Variants in DCC observed in about 807,000 individuals in gnomAD.
DCC encodes the protein DCC netrin 1 receptor.
Under a neutral mutation model 172.5 loss-of-function variants are expected in DCC, and 58 were observed. The observed-to-expected ratio is 0.34, with a 90% CI of 0.27 to 0.42. DCC has a LOEUF of 0.42. DCC is among the 10% of genes least tolerant of loss of function. The pLI is 1.00. For synonymous variants in DCC, 709 were observed against 644.5 expected, an observed-to-expected ratio of 1.10 and a Z score of -1.52; for missense variants, 1,740 against 1,791.0, an observed-to-expected ratio of 0.97 and a Z score of 0.51.
chr18:52,747,987 G>A (rs2036933922), intron 1 of DCC, among the ~76,000 whole-genome samples: 1 of 152,206 alleles, frequency 6.6e-6, no homozygotes, highest in Non-Finnish European at 1.5e-5. Context: ...TTCCGAGCTG[G>A]CCGCTGAGCT....
chr18:53,203,669 G>C (rs1345034358), intron 9 of DCC, among the ~76,000 whole-genome samples: 1 of 152,154 alleles, frequency 6.6e-6, no homozygotes, highest in Non-Finnish European at 1.5e-5. Flanking sequence ...ATTCATGCCA[G>C]TCAGTTTTTC....
chr18:52,546,542 A>G (rs571443665), intron 1 of DCC, among the ~76,000 whole-genome samples: 1 of 152,256 alleles, frequency 6.6e-6, no homozygotes, highest in Admixed American at 6.5e-5. Flanking sequence ...GCATGGTAAC[A>G]GGATGAAAAG....
chr18:53,105,409 G>A (rs1388449534), intron 7 of DCC, among the ~76,000 whole-genome samples: 1 of 152,000 alleles, frequency 6.6e-6, no homozygotes, highest in Non-Finnish European at 1.5e-5. Flanking sequence ...TAGTCACAGA[G>A]TGTTTAGCCC....
At chr18:52,602,679 A>T (rs1028237486) in intron 1 of DCC, among the ~76,000 whole-genome samples, 1 of 145,044 alleles carries the variant, frequency 6.9e-6, no homozygotes, top group Admixed American at 6.8e-5. Context: ...TGCAAATACA[A>T]AAGAGACGAC....
intron 1 of DCC, among the ~76,000 whole-genome samples, chr18:52,375,179 A>G (rs1295102689): frequency 1.3e-5 from 2 of 152,224 alleles, no homozygotes; most frequent in Non-Finnish European, 2.9e-5. Flanking sequence ...CTTGAGTTCT[A>G]TAGAGACAAA....
At chr18:53,284,741 A>C (rs769479805) in intron 12 of DCC, among the ~76,000 whole-genome samples, 5 of 152,202 alleles carry the variant, frequency 3.3e-5, no homozygotes, top group Non-Finnish European at 7.3e-5. Flanking sequence ...GCTCAGAAGA[A>C]GACAGGAAAA....
intron 2 of DCC, chr18:52,754,397 A>AGGT (rs1210035126): frequency 1.3e-5 from 2 of 152,164 alleles, no homozygotes; most frequent in African/African-American, 2.4e-5. Context: ...TAGCACTGGG[A>AGGT]GGTGGAGCCT....
At chr18:52,858,373 G>A (rs1330783575) in intron 2 of DCC, among the ~76,000 whole-genome samples, 1 of 152,156 alleles carries the variant, frequency 6.6e-6, no homozygotes. Flanking sequence ...AGAGGAGAAA[G>A]CATTTCAACA....
intron 12 of DCC, among the ~76,000 whole-genome samples, chr18:53,274,672 C>T (rs1285126273): frequency 1.3e-5 from 2 of 152,096 alleles, no homozygotes; most frequent in East Asian, 3.9e-4. Context: ...CCCAGTTGAA[C>T]ACCTATTCGT....
intron 5 of DCC, among the ~76,000 whole-genome samples, chr18:52,938,860 C>T (rs1262636769): frequency 6.6e-6 from 1 of 151,994 alleles, no homozygotes; most frequent in Non-Finnish European, 1.5e-5. Context: ...ACTTCCCCCA[C>T]CTTATCTCTT....
intron 5 of DCC, among the ~76,000 whole-genome samples, chr18:52,963,304 T>TG (rs1371435495): frequency 2.6e-5 from 4 of 151,258 alleles, no homozygotes; most frequent in Non-Finnish European, 5.9e-5. Flanking sequence ...ATGATTTATG[T>TG]GGAAAAAAAA....
intron 7 of DCC, among the ~76,000 whole-genome samples, chr18:53,154,281 C>T (rs918336951): frequency 6.6e-6 from 1 of 152,122 alleles, no homozygotes; most frequent in Non-Finnish European, 1.5e-5. Flanking sequence ...TAGGTCCCTC[C>T]CTGCCCTGTC....
rs137940065 is a variant in DCC, at chr18:52,683,583, A to G, written c.92-68471A>G. On this transcript the variant is annotated intron_variant, in intron 1 of 28. Coordinates refer to ENST00000442544, the MANE Select transcript of DCC (RefSeq NM_005215.4). ...AACCATGGCCTATTACCAAATGCTA[A>G]GTTTAGGTACAGAACTAAGTGTCCA... Among the ~76,000 whole-genome samples, 703 of 152,236 alleles carry G rather than the reference A, an allele frequency of 4.6e-3. 5 individuals are homozygous for G. The highest frequency in any genetic ancestry group is 0.016 in the African/African-American group (673 of 41,580).
At chr18:52,816,036 C>T (rs2038290832) in intron 2 of DCC, among the ~76,000 whole-genome samples, 1 of 152,186 alleles carries the variant, frequency 6.6e-6, no homozygotes, top group African/African-American at 2.4e-5. Flanking sequence ...TGTGCCCTTG[C>T]ATTGTGTCAG....
intron 1 of DCC, among the ~76,000 whole-genome samples, chr18:52,730,111 A>T (rs2036614853): frequency 6.6e-6 from 1 of 152,198 alleles, no homozygotes; most frequent in Admixed American, 6.5e-5. Flanking sequence ...TTTTAAAAAA[A>T]TGAATATTAC....
At chr18:53,311,380 C>T (rs2057266831) in intron 13 of DCC, among the ~76,000 whole-genome samples, 1 of 152,142 alleles carries the variant, frequency 6.6e-6, no homozygotes, top group African/African-American at 2.4e-5. Context: ...TCCTTGGCCT[C>T]CCAAAGTGCT....
intron 15 of DCC, among the ~76,000 whole-genome samples, chr18:53,351,291 GTATATATATATATA>G: frequency 5.8e-5 from 2 of 34,450 alleles, no homozygotes; most frequent in Admixed American, 8.7e-4. Context: ...ATTGAGTACA[GTATATATATATATA>G]TATATATATA....
intron 5 of DCC, among the ~76,000 whole-genome samples, chr18:52,978,424 G>A (rs373674493): frequency 5.3e-4 from 80 of 152,264 alleles, no homozygotes; most frequent in East Asian, 3.5e-3. Flanking sequence ...AGAGGTGGTC[G>A]GCAGCATCAA....
At chr18:52,926,972 T>TACACATATATATGGATATATATAC (rs561591706) in intron 5 of DCC, among the ~76,000 whole-genome samples, 235 of 142,580 alleles carry the variant, frequency 1.6e-3, no homozygotes, top group African/African-American at 5.6e-3. Flanking sequence ...TGGATATATA[T>TACACATATATATGGATATATATAC]ACATATATAT....
Sources: allele counts gnomAD v4.1 joint callset (sites outside exome capture counted in the v4.1 genomes callset), GRCh38; gene constraint gnomAD v4.1.1; transcripts MANE v1.5; gene names NCBI Gene and HGNC (gene_info 2026-07-23, HGNC 2026-07-21).